HADHA: variants seen among roughly 807,000 people sequenced by gnomAD.
HADHA encodes trifunctional enzyme subunit alpha, mitochondrial.
In HADHA, 59 loss-of-function variants were observed where a neutral mutation model predicts 91.3. That is an observed-to-expected ratio of 0.65 (90% CI 0.52 to 0.80). HADHA has a LOEUF of 0.80. Ranked by LOEUF, HADHA falls within the 30% of genes least tolerant of loss-of-function variation. The pLI is 0.00. For missense variants in HADHA, 800 were observed against 927.6 expected (o/e 0.86, Z 1.79); for synonymous variants, 320 against 338.9 (o/e 0.94, Z 0.61).
At chr2:26,224,780 T>C (rs1402849198) in intron 7 of HADHA, among the ~76,000 whole-genome samples, 1 of 152,216 alleles carries the variant, frequency 6.6e-6, no homozygotes, top group East Asian at 1.9e-4. Context: ...AGTCTTCAGA[T>C]ATGTTAACTT....
At chr2:26,230,080 C>T in intron 7 of HADHA, 112 bp downstream of exon 7, 1 of 718,236 alleles carries the variant, frequency 1.4e-6, no homozygotes, top group Non-Finnish European at 2.6e-6. Flanking sequence ...GCCTCAGCCT[C>T]CCAAAGTGCT....
intron 7 of HADHA, among the ~76,000 whole-genome samples, chr2:26,215,721 T>C (rs1225273694): frequency 6.6e-6 from 1 of 152,114 alleles, no homozygotes; most frequent in African/African-American, 2.4e-5. Flanking sequence ...TTTTTGGTGG[T>C]CATGTACAAC....
At chr2:26,236,352 T>TGTGTGA (rs1386707195) in intron 4 of HADHA, among the ~76,000 whole-genome samples, 1 of 107,136 alleles carries the variant, frequency 9.3e-6, no homozygotes, top group Non-Finnish European at 2.2e-5. Flanking sequence ...TGTGTGTGTG[T>TGTGTGA]GTGTGTGTAT....
chr2:26,216,007 T>C (rs1670210476), intron 7 of HADHA, among the ~76,000 whole-genome samples: 2 of 152,184 alleles, frequency 1.3e-5, no homozygotes, highest in Non-Finnish European at 2.9e-5. Flanking sequence ...GAAGAACAAG[T>C]ACAGTGGTTC....
chr2:26,191,240 T>C lies in HADHA; in HGVS notation c.*10A>G. The stretch of plus-strand genomic sequence containing the variant: ...GTTAGTGCACTGACTGAGCGAGGCA[T>C]GAGGCCTGCTCACTGGTAGAACTTC... On this transcript the variant is annotated 3_prime_UTR_variant, in exon 20 of 20. Transcript: ENST00000380649. The C allele has an allele frequency of 3.1e-6, 5 of 1,611,758 alleles. No homozygotes were observed. The highest frequency in any genetic ancestry group is 4.2e-6 in the Non-Finnish European group (5 of 1,179,488).
chr2:26,223,440 C>T (rs748690145), intron 7 of HADHA, among the ~76,000 whole-genome samples: 10 of 152,144 alleles, frequency 6.6e-5, no homozygotes, highest in Non-Finnish European at 1.5e-4. Context: ...ATGAAGGTCA[C>T]CCCACCAGGC....
chr2:26,221,217 G>A lies in HADHA; in HGVS notation c.677-6042C>T, dbSNP rs1212595383. Among the ~76,000 whole-genome samples, 2 of 152,194 alleles carry A rather than the reference G, an allele frequency of 1.3e-5. No individual in the cohort carries two copies. The highest frequency in any genetic ancestry group is 2.9e-5 in the Non-Finnish European group (2 of 68,032). Reference sequence around the variant, plus strand: ...GACCCAGAACAAGAGAAGCTGTTCTGCCATTTGGGCCACGTGATTCAAACC... The same window carrying A: ...GACCCAGAACAAGAGAAGCTGTTCTACCATTTGGGCCACGTGATTCAAACC... On this transcript the variant is annotated intron_variant, in intron 7 of 19. Transcript: ENST00000380649. This position sits in a 1 kb window ranked among gnomAD's most constrained non-coding sequence, Gnocchi z 4.8.
chr2:26,194,599 T>C lies in HADHA; in HGVS notation c.1660A>G (p.Met554Val), dbSNP rs376734813. The C allele has an allele frequency of 8.7e-6, 14 of 1,612,498 alleles. No individual in the cohort carries two copies. Among genetic ancestry groups the C allele is most frequent in the Non-Finnish European group, 1.2e-5 (14 of 1,178,712 alleles). ...GFYTTRCLAP[M>V]MSEVIRILQE... ...AGGATTCGGATGACTTCAGACATCA[T>C]GGGCGCAAGACACCTGGTAGTATAG... The change falls in exon 16 of 20, where the codon ATG becomes GTG. Residue 554 changes from methionine (M) to valine (V), a missense_variant. Transcript: ENST00000380649.
chr2:26,223,055 GC>G (rs1558326128), intron 7 of HADHA, among the ~76,000 whole-genome samples: 1 of 152,178 alleles, frequency 6.6e-6, no homozygotes, highest in East Asian at 1.9e-4. Context: ...CAAAATTTCT[GC>G]TTCTTGTCCC....
chr2:26,223,485 G>T (rs1366056099), intron 7 of HADHA, among the ~76,000 whole-genome samples: 1 of 152,170 alleles, frequency 6.6e-6, no homozygotes, highest in Non-Finnish European at 1.5e-5. Context: ...CTTCCTGAGG[G>T]CAAAGGGAAT....
At chr2:26,201,591 G>A (rs1015876512) in intron 12 of HADHA, among the ~76,000 whole-genome samples, 24 of 152,100 alleles carry the variant, frequency 1.6e-4, no homozygotes, top group African/African-American at 5.1e-4. Context: ...CCCAATTTAC[G>A]TAAACTAAAT....
rs1044461059 is a variant in HADHA at position 26,221,857 on chromosome 2, C to A, written c.677-6682G>T. Among the ~76,000 whole-genome samples, 3 of 152,106 alleles carry A rather than the reference C, an allele frequency of 2.0e-5. No homozygotes were observed. In the South Asian group the frequency reaches 6.2e-4, roughly 32 times the overall value. On this transcript the variant is annotated intron_variant, in intron 7 of 19. Transcript: ENST00000380649. The surrounding 1 kb of genome is among the most constrained non-coding windows in gnomAD (Gnocchi z 4.8). ...TGGGCAGTACTTCTGACAGTGCACC[C>A]GGTTGTTCATTTTGTCTAGAAAGAA...
intron 7 of HADHA, among the ~76,000 whole-genome samples, chr2:26,226,241 C>T (rs991281548): frequency 6.6e-6 from 1 of 152,112 alleles, no homozygotes; most frequent in Non-Finnish European, 1.5e-5. Flanking sequence ...TTTAAGCTGT[C>T]AATTCTCCCC....
chr2:26,223,422 T>A (rs994636827), intron 7 of HADHA, among the ~76,000 whole-genome samples: 1 of 152,124 alleles, frequency 6.6e-6, no homozygotes, highest in African/African-American at 2.4e-5. Flanking sequence ...CTAGAAGACA[T>A]TTTAGGAATG....
At chr2:26,202,046 G>A (rs913101653) in intron 12 of HADHA, among the ~76,000 whole-genome samples, 3 of 149,354 alleles carry the variant, frequency 2.0e-5, no homozygotes, top group South Asian at 2.1e-4. Context: ...TGTTCCATCC[G>A]CCTCAGCCTC....
At chr2:26,199,773 G>A (rs1275061537) in intron 13 of HADHA, among the ~76,000 whole-genome samples, 1 of 152,020 alleles carries the variant, frequency 6.6e-6, no homozygotes, top group Non-Finnish European at 1.5e-5. Context: ...AGTAGCTTCT[G>A]CTTTTGTTCT....
chr2:26,193,639 C>G lies in HADHA; in HGVS notation c.1823G>C (p.Gly608Ala), dbSNP rs1277103504. ...HVAEDLGKVF[G>A]ERFGGGNPEL... ...TGGGTTTCCACCTCCAAACCGCTCC[C>G]CAAAGACTTTGCCCAGATCTTCCGC... is the stretch of plus-strand genomic sequence containing the variant. Residue 608 changes from glycine to alanine, a missense_variant, in exon 17 of 20, where the codon GGG becomes GCG. Coordinates refer to ENST00000380649, the MANE Select transcript of HADHA (RefSeq NM_000182.5). 16 of 1,614,008 alleles carry G rather than the reference C, an allele frequency of 9.9e-6. No individual in the cohort carries two copies. The highest frequency in any genetic ancestry group is 1.7e-5 in the Admixed American group (1 of 60,002).
chr2:26,232,817 C>T (rs1470513435), intron 5 of HADHA, among the ~76,000 whole-genome samples: 2 of 152,156 alleles, frequency 1.3e-5, no homozygotes, highest in African/African-American at 4.8e-5. Context: ...GTTGTGTGAA[C>T]ATCGCAGAGT....
Position 26,238,928 on chromosome 2 carries a change from A to G in HADHA, c.180+6T>C. The G allele has an allele frequency of 6.3e-7, 1 of 1,576,610 alleles. No individual in the cohort carries two copies. The highest frequency in any genetic ancestry group is 1.1e-5 in the South Asian group (1 of 90,276). On this transcript the variant is annotated splice_donor_region_variant and intron_variant, in intron 3 of 19. Coordinates refer to ENST00000380649, the MANE Select transcript of HADHA (RefSeq NM_000182.5). ...GCAGAAAAAAACTGCAAATTAAATG[A>G]GATACCTTTGAATTGGGAGAGTTAA...
Sources: allele counts gnomAD v4.1 joint callset (sites outside exome capture counted in the v4.1 genomes callset), GRCh38; gene constraint gnomAD v4.1.1; non-coding constraint Gnocchi (gnomAD v3.1); transcripts MANE v1.5; gene names NCBI Gene and HGNC (gene_info 2026-07-23, HGNC 2026-07-21).